The following USP45 variants were observed in gnomAD, a reference collection of about 807,000 sequenced individuals.
USP45 encodes the protein ubiquitin specific peptidase 45.
USP45 carries 89 observed loss-of-function variants against 95.8 expected under a neutral mutation model. The observed-to-expected ratio is 0.93, with a 90% CI of 0.78 to 1.11. The LOEUF is 1.11. Ranked by LOEUF, USP45 falls within the 50% of genes least tolerant of loss-of-function variation. The probability of loss-of-function intolerance (pLI) is 0.00; values close to 1 mark genes in which losing one functional copy is unlikely to be tolerated. For missense variants in USP45, 898 were observed against 942.5 expected (o/e 0.95, Z 0.62); for synonymous variants, 281 against 316.2 (o/e 0.89, Z 1.18).
intron 12 of USP45, 51 bp from the exon 13 acceptor site, chr6:99,464,798 T>C: frequency 6.6e-7 from 1 of 1,514,888 alleles, no homozygotes; most frequent in Non-Finnish European, 8.8e-7. Flanking sequence ...AAATAAATTC[T>C]GGATGTCCTC....
chr6:99,517,300 C>T (rs757324141), upstream of USP45, among the ~76,000 whole-genome samples: 5 of 152,128 alleles, frequency 3.3e-5, no homozygotes, highest in Non-Finnish European at 7.4e-5. Context: ...CTTAAGATTA[C>T]CTAACCATGT....
In USP45 at chr6:99,461,350, G is replaced by C. The variant is rs560448898; in HGVS notation, c.1308+3254C>G. The C allele has an allele frequency of 1.0e-5, 10 of 985,334 alleles. No homozygotes were observed. In the African/African-American group the frequency reaches 1.7e-4, roughly 17 times the overall value. The allele number at this position is 985,334 out of a possible 1,614,324, so 61.0% of individuals were successfully genotyped here. A position where few individuals can be genotyped will look rare whatever the true frequency, so the allele number is the denominator to read the frequency against. ...AGACTTCACATAATATCTTTTGGTA[G>C]CCATTTGTTGCAGCTCATTTTACCT... On this transcript the variant is annotated intron_variant, in intron 13 of 17. Transcript: ENST00000500704.
chr6:99,450,267 C>T (rs1434298147), intron 13 of USP45, among the ~76,000 whole-genome samples: 1 of 151,230 alleles, frequency 6.6e-6, no homozygotes, highest in African/African-American at 2.4e-5. Context: ...AAAAGATCAA[C>T]AAAATCGATA....
intron 13 of USP45, among the ~76,000 whole-genome samples, chr6:99,452,903 C>A (rs1562322693): frequency 6.6e-6 from 1 of 152,124 alleles, no homozygotes; most frequent in East Asian, 1.9e-4. Context: ...TGGAAACCAT[C>A]ATTATCAGCA....
At chr6:99,452,725 C>T (rs892540949) in intron 13 of USP45, among the ~76,000 whole-genome samples, 2 of 152,180 alleles carry the variant, frequency 1.3e-5, no homozygotes, top group African/African-American at 4.8e-5. Flanking sequence ...GACACATGCA[C>T]ACGTATGTTT....
intron 7 of USP45, among the ~76,000 whole-genome samples, chr6:99,484,817 T>C (rs1016368970): frequency 6.7e-6 from 1 of 150,356 alleles, no homozygotes; most frequent in Non-Finnish European, 1.5e-5. Context: ...TGTTTTCTCT[T>C]CTGCTGTAAA....
chr6:99,445,721 A>G (rs117598708), intron 14 of USP45, 76 bp downstream of exon 14: 22,098 of 1,135,328 alleles, frequency 0.019, 285 homozygotes, highest in Non-Finnish European at 0.022. Context: ...GATTCTCAGT[A>G]AAATTCTCAG....
rs1266130283 is a variant in USP45 at position 99,439,858 on chromosome 6, TAA to T, written c.2074-5_2074-4del. The T allele has an allele frequency of 6.3e-7, 1 of 1,592,630 alleles. No homozygotes were observed. The highest frequency in any genetic ancestry group is 1.2e-5 in the South Asian group (1 of 86,174). On this transcript the variant is annotated splice_polypyrimidine_tract_variant and splice_region_variant and intron_variant, in intron 15 of 17. Coordinates refer to ENST00000500704, the MANE Select transcript of USP45 (RefSeq NM_001346022.3). Reference sequence around the variant, plus strand: ...ACTTTACGAAGACTCAAGCCAGCCTTAAAAAGACCAAAACATTTTTGAAATGC... The same window carrying T: ...ACTTTACGAAGACTCAAGCCAGCCTTAAAGACCAAAACATTTTTGAAATGC...
chr6:99,446,317 G>A lies in USP45; in HGVS notation c.1455C>T (p.Ser485=), dbSNP rs772216180. 5.3e-5 allele frequency: 85 copies of A among 1,614,086 alleles called. No homozygotes were observed. The highest frequency in any genetic ancestry group is 4.4e-4 in the African/African-American group (33 of 74,926). Residue 485 remains serine, a synonymous_variant, in exon 14 of 18, where the codon AGC becomes AGT. Coordinates refer to ENST00000500704, the MANE Select transcript of USP45 (RefSeq NM_001346022.3). ...LMNSESRLNE[S]PTDDSEKEAS... ...CTTCTTTTTCACTGTCATCAGTAGG[G>A]CTTTCATTCAGACGTGACTCAGAAT...
At chr6:99,496,523 T>C (rs115412914) in intron 5 of USP45, among the ~76,000 whole-genome samples, 2,885 of 152,256 alleles carry the variant, frequency 0.019, 87 homozygotes, top group African/African-American at 0.066. Context: ...GTCTTCTCTT[T>C]AACCTTGTTA....
At chr6:99,501,791 T>A (rs546033693) in intron 5 of USP45, 10 of 555,390 alleles carry the variant, frequency 1.8e-5, no homozygotes, top group South Asian at 2.8e-5. Flanking sequence ...ACAAAATACA[T>A]AATACATTAC....
intron 5 of USP45, among the ~76,000 whole-genome samples, chr6:99,492,122 A>C (rs9483940): frequency 0.026 from 3,936 of 152,368 alleles, 193 homozygotes; most frequent in African/African-American, 0.09. Context: ...TGGCATCCCA[A>C]AGTAAACAAT....
At chr6:99,456,986 C>T (rs191388410) in intron 13 of USP45, among the ~76,000 whole-genome samples, 5 of 152,282 alleles carry the variant, frequency 3.3e-5, no homozygotes, top group East Asian at 1.9e-4. Context: ...CCCCCCTGGG[C>T]GTAGCCGTCT....
At chr6:99,436,281 G>A (rs562171646) in intron 17 of USP45, among the ~76,000 whole-genome samples, 2 of 152,274 alleles carry the variant, frequency 1.3e-5, no homozygotes, top group East Asian at 3.9e-4. Flanking sequence ...GCCCAGCGCA[G>A]TGGCTCATGC....
intron 13 of USP45, among the ~76,000 whole-genome samples, chr6:99,449,281 C>T (rs1231271401): frequency 6.6e-6 from 1 of 152,068 alleles, no homozygotes; most frequent in African/African-American, 2.4e-5. Flanking sequence ...ACCCATCTCA[C>T]GTGCAGAGAC....
At chr6:99,482,935 A>G (rs1792791488) in intron 7 of USP45, 52 bp from the exon 8 acceptor site, 2 of 1,372,908 alleles carry the variant, frequency 1.5e-6, no homozygotes, top group Non-Finnish European at 1.9e-6. Context: ...TAAAAATAAC[A>G]TATTAAAAAT....
At chr6:99,511,264 G>C (rs906427978) in intron 1 of USP45, among the ~76,000 whole-genome samples, 4 of 151,976 alleles carry the variant, frequency 2.6e-5, no homozygotes, top group African/African-American at 9.7e-5. Context: ...CAATTCTCCT[G>C]CCTCAGCCTC....
intron 13 of USP45, among the ~76,000 whole-genome samples, chr6:99,456,109 G>C (rs1474440696): frequency 6.9e-6 from 1 of 144,146 alleles, no homozygotes; most frequent in African/African-American, 2.6e-5. Flanking sequence ...CTCCAGCCTG[G>C]GCAACAGAGC....
chr6:99,461,945 G>T, intron 13 of USP45: 1 of 985,254 alleles, frequency 1.0e-6, no homozygotes, highest in South Asian at 4.7e-5. Context: ...GATTAAACTG[G>T]TTCTGTAGTT....
Sources: gnomAD v4.1 joint callset for allele counts (sites outside exome capture counted in the v4.1 genomes callset) on GRCh38, gnomAD v4.1.1 for gene constraint, MANE v1.5 for transcripts, NCBI Gene and HGNC (gene_info 2026-07-23, HGNC 2026-07-21) for gene names.